The following SPOCK3 variants were observed in gnomAD, a reference collection of about 807,000 sequenced individuals.
SPOCK3 encodes testican-3.
Under a neutral mutation model 56.6 loss-of-function variants are expected in SPOCK3, and 30 were observed. The ratio of observed to expected loss-of-function variants is 0.53; its 90% confidence interval spans 0.40 to 0.72. The LOEUF is 0.72. Ranked by LOEUF, SPOCK3 falls within the 30% of genes least tolerant of loss-of-function variation. SPOCK3 has a pLI of 0.00. For missense variants in SPOCK3, 527 were observed against 530.0 expected (o/e 0.99, Z 0.06); for synonymous variants, 196 against 183.3 (o/e 1.07, Z -0.56).
chr4:166,814,318 A>G, intron 6 of SPOCK3, among the ~76,000 whole-genome samples: 1 of 152,034 alleles, frequency 6.6e-6, no homozygotes. Flanking sequence ...ATTGGATTGG[A>G]TTGAAGGATG....
intron 7 of SPOCK3, among the ~76,000 whole-genome samples, chr4:166,787,988 C>T (rs998374110): frequency 6.6e-6 from 1 of 152,026 alleles, no homozygotes; most frequent in African/African-American, 2.4e-5. Flanking sequence ...TTGAGACTGG[C>T]CTGGCCAACA....
At chr4:167,084,202 T>C (rs1043762241) in intron 2 of SPOCK3, among the ~76,000 whole-genome samples, 5 of 152,124 alleles carry the variant, frequency 3.3e-5, no homozygotes, top group African/African-American at 9.7e-5. Context: ...GGCCATATCA[T>C]GAGAAAATGT....
At chr4:166,879,786 T>A (rs764065521) in intron 6 of SPOCK3, among the ~76,000 whole-genome samples, 1 of 152,168 alleles carries the variant, frequency 6.6e-6, no homozygotes, top group Non-Finnish European at 1.5e-5. Flanking sequence ...TAATCTCCAA[T>A]GTTGGAGGTG....
intron 5 of SPOCK3, among the ~76,000 whole-genome samples, chr4:166,890,989 C>A (rs1734715167): frequency 6.6e-6 from 1 of 151,942 alleles, no homozygotes; most frequent in South Asian, 2.1e-4. Context: ...TTGCATTGAT[C>A]CCTTTACCAC....
At chr4:166,984,577 A>T (rs897774881) in intron 4 of SPOCK3, among the ~76,000 whole-genome samples, 2 of 152,098 alleles carry the variant, frequency 1.3e-5, no homozygotes, top group African/African-American at 4.8e-5. Context: ...GAGGGGTGCT[A>T]ACAGGGTTAG....
chr4:166,774,788 C>G (rs1020872524), intron 7 of SPOCK3, among the ~76,000 whole-genome samples: 2 of 152,124 alleles, frequency 1.3e-5, no homozygotes, highest in Non-Finnish European at 2.9e-5. Flanking sequence ...AGTGTAAGCA[C>G]CCTCATCCCT....
chr4:167,047,199 G>A (rs1753816048), intron 3 of SPOCK3, among the ~76,000 whole-genome samples: 1 of 152,160 alleles, frequency 6.6e-6, no homozygotes, highest in Admixed American at 6.5e-5. Context: ...TAGAGCTTGA[G>A]TTTGATAGAT....
chr4:167,107,747 T>C (rs560062257), intron 2 of SPOCK3, among the ~76,000 whole-genome samples: 3 of 152,068 alleles, frequency 2.0e-5, no homozygotes, highest in Admixed American at 2.0e-4. Flanking sequence ...TTCGGTAAAG[T>C]TGCAGGATAC....
chr4:166,805,950 C>G (rs1213605305), intron 6 of SPOCK3, among the ~76,000 whole-genome samples: 2 of 152,012 alleles, frequency 1.3e-5, no homozygotes, highest in Admixed American at 6.6e-5. Context: ...AAACTGCATT[C>G]AAGTGTAGTT....
At chr4:166,903,129 T>C (rs977715855) in intron 5 of SPOCK3, among the ~76,000 whole-genome samples, 1 of 147,344 alleles carries the variant, frequency 6.8e-6, no homozygotes, top group Non-Finnish European at 1.5e-5. Context: ...ATTTATAATA[T>C]AAATTATAAA....
chr4:167,158,877 T>A (rs1385073220), intron 2 of SPOCK3, among the ~76,000 whole-genome samples: 1 of 151,978 alleles, frequency 6.6e-6, no homozygotes, highest in Non-Finnish European at 1.5e-5. Flanking sequence ...TATTGTCTGT[T>A]TTTTCCATGG....
intron 6 of SPOCK3, among the ~76,000 whole-genome samples, chr4:166,808,952 A>G (rs1252437585): frequency 6.6e-6 from 1 of 152,086 alleles, no homozygotes. Flanking sequence ...GACTGATTTC[A>G]ATGATCTTTT....
At chr4:167,096,577 C>T (rs1159646357) in intron 2 of SPOCK3, among the ~76,000 whole-genome samples, 1 of 151,670 alleles carries the variant, frequency 6.6e-6, no homozygotes, top group Non-Finnish European at 1.5e-5. Flanking sequence ...AACTAACTGT[C>T]TGTTACTGAT....
chr4:167,158,861 T>G (rs984971457), intron 2 of SPOCK3, among the ~76,000 whole-genome samples: 3 of 152,006 alleles, frequency 2.0e-5, no homozygotes, highest in Non-Finnish European at 4.4e-5. Flanking sequence ...ATATTTTTAT[T>G]TTGTTTATTG....
intron 4 of SPOCK3, among the ~76,000 whole-genome samples, chr4:166,978,506 G>A (rs571687404): frequency 3.7e-4 from 56 of 152,206 alleles, no homozygotes; most frequent in African/African-American, 1.3e-3. Flanking sequence ...TGCTTAGTTT[G>A]GTCTGGAGTC....
At chr4:167,193,586 A>T (rs1031022152) in intron 2 of SPOCK3, among the ~76,000 whole-genome samples, 1 of 146,150 alleles carries the variant, frequency 6.8e-6, no homozygotes, top group Admixed American at 7.0e-5. Flanking sequence ...CAGTATCAGA[A>T]TATCCCAATT....
intron 2 of SPOCK3, among the ~76,000 whole-genome samples, chr4:167,215,561 AAAAG>A (rs749879140): frequency 4.3e-4 from 65 of 152,316 alleles, no homozygotes; most frequent in African/African-American, 1.5e-3. Flanking sequence ...AAGACACAAA[AAAAG>A]AAAGAGCAGT....
intron 6 of SPOCK3, among the ~76,000 whole-genome samples, chr4:166,880,832 C>G (rs17520371): frequency 0.077 from 11,759 of 152,210 alleles, 542 homozygotes; most frequent in Non-Finnish European, 0.1. Flanking sequence ...CCTAACTGCT[C>G]ATGCTCCTCC....
intron 6 of SPOCK3, among the ~76,000 whole-genome samples, chr4:166,830,532 G>T (rs1745924562): frequency 6.6e-6 from 1 of 152,044 alleles, no homozygotes; most frequent in South Asian, 2.1e-4. Context: ...ATCTCTTGAG[G>T]CCAGGAGTTC....
Sources: allele counts gnomAD v4.1 joint callset (sites outside exome capture counted in the v4.1 genomes callset), GRCh38; gene constraint gnomAD v4.1.1; transcripts MANE v1.5; gene names NCBI Gene and HGNC (gene_info 2026-07-23, HGNC 2026-07-21).